FAM135B: variants seen among roughly 807,000 people sequenced by gnomAD.
The protein encoded by FAM135B is family with sequence similarity 135 member B.
A neutral mutation model predicts 127.7 loss-of-function variants in FAM135B; 43 were observed. The observed-to-expected ratio is 0.34, with a 90% CI of 0.26 to 0.43. The LOEUF (loss-of-function observed/expected upper bound fraction) is 0.43, where lower values mean the gene tolerates loss of function less well. Ranked by LOEUF, FAM135B falls within the 20% of genes least tolerant of loss-of-function variation. The pLI is 1.00. For missense variants in FAM135B, 1,558 were observed against 1,725.6 expected (o/e 0.90, Z 1.72); for synonymous variants, 670 against 665.1 (o/e 1.01, Z -0.11).
At chr8:138,451,541 A>G (rs1032916250) in intron 1 of FAM135B, among the ~76,000 whole-genome samples, 1 of 152,236 alleles carries the variant, frequency 6.6e-6, no homozygotes, top group African/African-American at 2.4e-5. Context: ...CAACCCCTAC[A>G]GCAGAATTTC....
intron 1 of FAM135B, among the ~76,000 whole-genome samples, chr8:138,422,378 A>G (rs1834564399): frequency 6.6e-6 from 1 of 152,192 alleles, no homozygotes; most frequent in African/African-American, 2.4e-5. Context: ...TTTGTCTAAT[A>G]AGGGTCTAAT....
In FAM135B at chr8:138,196,926, C is replaced by T. The variant is rs571594441; in HGVS notation, c.823+590G>A. ...TCTGAGCTTCAGGTCCATCGTCTGT[C>T]AATCAACAGAGATTCAAGCCCACTG... On this transcript the variant is annotated intron_variant, in intron 8 of 19. Transcript: ENST00000395297. Among the ~76,000 whole-genome samples the T allele has an allele frequency of 4.0e-4, 61 of 152,316 alleles. No individual in the cohort carries two copies. The South Asian group carries it at 6.4e-3, about 16-fold the overall frequency.
intron 2 of FAM135B, among the ~76,000 whole-genome samples, chr8:138,314,039 G>T (rs761324305): frequency 6.6e-6 from 1 of 152,062 alleles, no homozygotes; most frequent in Non-Finnish European, 1.5e-5. Flanking sequence ...TGGACCCCAG[G>T]CATAGTACTA....
intron 2 of FAM135B, among the ~76,000 whole-genome samples, chr8:138,346,931 A>G (rs1829453826): frequency 6.6e-6 from 1 of 152,202 alleles, no homozygotes; most frequent in Admixed American, 6.5e-5. Context: ...TTGTATGATA[A>G]TATGTGTCTG....
chr8:138,199,567 T>C (rs1176731776), intron 7 of FAM135B, among the ~76,000 whole-genome samples: 1 of 152,134 alleles, frequency 6.6e-6, no homozygotes. Context: ...TTGGTGTGGG[T>C]TACCCTATGT....
At chr8:138,435,710 C>T (rs1394895753) in intron 1 of FAM135B, among the ~76,000 whole-genome samples, 2 of 152,076 alleles carry the variant, frequency 1.3e-5, no homozygotes, top group Admixed American at 6.5e-5. Context: ...AAAAAAAACA[C>T]ATACAAATGA....
intron 8 of FAM135B, 42 bp from the exon 9 acceptor site, chr8:138,195,349 C>A (rs1816525212): frequency 6.3e-7 from 1 of 1,586,614 alleles, no homozygotes; most frequent in Non-Finnish European, 8.6e-7. Flanking sequence ...TGAACCCACA[C>A]TGAAATGCAG....
intron 2 of FAM135B, among the ~76,000 whole-genome samples, chr8:138,331,095 G>C (rs1828144135): frequency 6.6e-6 from 1 of 152,042 alleles, no homozygotes; most frequent in Admixed American, 6.5e-5. Flanking sequence ...ACCTGCCTTG[G>C]CCTCCCAAAA....
rs2130979138 is a variant in FAM135B, at chr8:138,178,541, G to C, written c.1023C>G (p.Thr341=). The C allele has an allele frequency of 6.2e-7, 1 of 1,613,702 alleles. No individual in the cohort carries two copies. Among genetic ancestry groups the C allele is most frequent in the Non-Finnish European group, 8.5e-7 (1 of 1,180,018 alleles). ...VTTYLTQEHH[T]LRVRRFSEAF... ...ACAGCAGTTGGCCACTCACCCTCAG[G>C]GTGTGGTGTTCCTGGGTGAGATAAG... Residue 341 remains threonine, a synonymous_variant, in exon 10 of 20, where the codon ACC becomes ACG. Coordinates refer to ENST00000395297, the MANE Select transcript of FAM135B (RefSeq NM_015912.4).
At chr8:138,279,307 T>G (rs1330972065) in intron 3 of FAM135B, among the ~76,000 whole-genome samples, 1 of 152,200 alleles carries the variant, frequency 6.6e-6, no homozygotes, top group African/African-American at 2.4e-5. Context: ...ACTGTGGGCT[T>G]CTCCAAGACG....
At chr8:138,302,901 G>A (rs1563875984) in intron 3 of FAM135B, among the ~76,000 whole-genome samples, 1 of 152,248 alleles carries the variant, frequency 6.6e-6, no homozygotes, top group Non-Finnish European at 1.5e-5. Context: ...ACACGTGCCA[G>A]TTAGAATGGG....
At chr8:138,438,197 T>G (rs981231320) in intron 1 of FAM135B, 2 of 152,154 alleles carry the variant, frequency 1.3e-5, no homozygotes, top group Admixed American at 6.6e-5. Flanking sequence ...ATAACAGCTT[T>G]TTTTAAATAA....
At chr8:138,339,588 C>T (rs1828898681) in intron 2 of FAM135B, among the ~76,000 whole-genome samples, 2 of 152,188 alleles carry the variant, frequency 1.3e-5, no homozygotes, top group East Asian at 1.9e-4. Context: ...GAAAACTGCA[C>T]TGGCCTTTGA....
chr8:138,436,245 G>T (rs1419755912), intron 1 of FAM135B, among the ~76,000 whole-genome samples: 2 of 152,118 alleles, frequency 1.3e-5, no homozygotes, highest in African/African-American at 4.8e-5. Flanking sequence ...GATGTTCTCT[G>T]GGAAGAACTC....
intron 11 of FAM135B, among the ~76,000 whole-genome samples, chr8:138,170,325 C>T (rs576329941): frequency 3.3e-5 from 5 of 149,658 alleles, no homozygotes; most frequent in African/African-American, 7.4e-5. Flanking sequence ...TGGGTTCATG[C>T]GATTTTCCTG....
In FAM135B at chr8:138,151,925, C is replaced by A. The variant is rs1462563943; in HGVS notation, c.2550G>T (p.Gly850=). Residue 850 remains glycine (G), a synonymous_variant, in exon 13 of 20, where the codon GGG becomes GGT. Coordinates refer to ENST00000395297, the MANE Select transcript of FAM135B (RefSeq NM_015912.4). ...QGPGYIDIPK[G]KGKQFDAQGH... ...CTTGAGCATCAAACTGCTTCCCTTTCCCTTTGGGGATGTCTATGTATCCGG... is the reference window on the plus strand; with the variant it reads ...CTTGAGCATCAAACTGCTTCCCTTTACCTTTGGGGATGTCTATGTATCCGG... 2 of 1,614,208 alleles carry A rather than the reference C, an allele frequency of 1.2e-6. No homozygotes were observed.
intron 11 of FAM135B, among the ~76,000 whole-genome samples, chr8:138,173,699 A>C (rs896825458): frequency 6.6e-6 from 1 of 152,240 alleles, no homozygotes; most frequent in Non-Finnish European, 1.5e-5. Flanking sequence ...AGCATGTCTT[A>C]GAATGAATTC....
chr8:138,320,157 T>C (rs1165419003), intron 2 of FAM135B, among the ~76,000 whole-genome samples: 3 of 152,260 alleles, frequency 2.0e-5, no homozygotes, highest in Non-Finnish European at 4.4e-5. Flanking sequence ...AATAATGTTA[T>C]GTTGTTTTAA....
chr8:138,355,008 C>A (rs1022477096), intron 2 of FAM135B, among the ~76,000 whole-genome samples: 1 of 152,086 alleles, frequency 6.6e-6, no homozygotes, highest in Non-Finnish European at 1.5e-5. Flanking sequence ...TATCCCTCCC[C>A]CTTCCTCCCA....
Sources: allele counts gnomAD v4.1 joint callset (sites outside exome capture counted in the v4.1 genomes callset), GRCh38; gene constraint gnomAD v4.1.1; transcripts MANE v1.5; gene names NCBI Gene and HGNC (gene_info 2026-07-23, HGNC 2026-07-21).